ZNF236: variants seen among roughly 807,000 people sequenced by gnomAD.
The protein encoded by ZNF236 is regulated by glucose.
In ZNF236, 50 loss-of-function variants were observed where a neutral mutation model predicts 191.2. That is an observed-to-expected ratio of 0.26 (90% CI 0.21 to 0.33). The LOEUF is 0.33. Ranked by LOEUF, ZNF236 falls within the 10% of genes least tolerant of loss-of-function variation. The probability of loss-of-function intolerance (pLI) is 1.00; values close to 1 mark genes in which losing one functional copy is unlikely to be tolerated. For synonymous variants in ZNF236, 907 were observed against 928.8 expected (o/e 0.98, Z 0.43); for missense variants, 1,754 against 2,374.5 (o/e 0.74, Z 5.43).
chr18:76,837,653 G>A (rs1343797028), intron 1 of ZNF236, among the ~76,000 whole-genome samples: 1 of 151,786 alleles, frequency 6.6e-6, no homozygotes, highest in African/African-American at 2.4e-5. Context: ...TGTTGGCCAG[G>A]CTGGTCTCGA....
rs192564094 is a variant in ZNF236 at position 76,831,929 on chromosome 18, A to G, written c.55+9267A>G. 1.5e-3 allele frequency among the ~76,000 whole-genome samples: 236 copies of G among 152,280 alleles called. 2 individuals are homozygous for G. The highest frequency in any genetic ancestry group is 5.1e-3 in the African/African-American group (211 of 41,550). On this transcript the variant is annotated intron_variant, in intron 1 of 30. Transcript: ENST00000320610. Reference sequence around the variant, plus strand: ...CTGGATGAGTTTTTTATAGTCTCCTATTCACTCTTTTAAAGATACCTTCTA... The same window carrying G: ...CTGGATGAGTTTTTTATAGTCTCCTGTTCACTCTTTTAAAGATACCTTCTA...
intron 25 of ZNF236, among the ~76,000 whole-genome samples, chr18:76,932,856 G>A (rs1446924189): frequency 1.3e-5 from 2 of 152,236 alleles, no homozygotes; most frequent in Admixed American, 1.3e-4. Context: ...TCTGACCGAA[G>A]GGAGAAGTTG....
intron 14 of ZNF236, among the ~76,000 whole-genome samples, chr18:76,909,622 T>C (rs943456676): frequency 1.2e-4 from 18 of 152,194 alleles, no homozygotes; most frequent in African/African-American, 3.9e-4. Flanking sequence ...ATTAGTGACA[T>C]AGCTGGCTGC....
intron 28 of ZNF236, among the ~76,000 whole-genome samples, chr18:76,958,366 A>G (rs766296512): frequency 2.0e-4 from 30 of 152,184 alleles, no homozygotes; most frequent in Non-Finnish European, 3.8e-4. Context: ...TTTTAAAGTC[A>G]TCAGCATAGA....
intron 1 of ZNF236, among the ~76,000 whole-genome samples, chr18:76,838,327 T>A (rs1290731163): frequency 1.3e-5 from 2 of 152,204 alleles, no homozygotes; most frequent in Admixed American, 1.3e-4. Context: ...AAGTAAACAT[T>A]AGAGCTTTTT....
intron 26 of ZNF236, 114 bp downstream of exon 26, chr18:76,937,457 C>G (rs546781618): frequency 4.0e-5 from 41 of 1,020,952 alleles, no homozygotes; most frequent in Non-Finnish European, 4.9e-5. Context: ...TCCCCAAAAT[C>G]GAAGCATTTT....
At chr18:76,955,075 C>T (rs1968490364) in intron 27 of ZNF236, among the ~76,000 whole-genome samples, 1 of 151,970 alleles carries the variant, frequency 6.6e-6, no homozygotes, top group African/African-American at 2.4e-5. Flanking sequence ...TTTGTTAAGC[C>T]ATCACATAGA....
At chr18:76,877,505 A>G (rs912488009) in intron 6 of ZNF236, among the ~76,000 whole-genome samples, 17 of 152,192 alleles carry the variant, frequency 1.1e-4, no homozygotes, top group African/African-American at 4.1e-4. Flanking sequence ...TCTCAAAAAA[A>G]AAAAAGAAAA....
chr18:76,924,788 TAG>T (rs1193180924), intron 21 of ZNF236, among the ~76,000 whole-genome samples: 1 of 152,098 alleles, frequency 6.6e-6, no homozygotes, highest in Non-Finnish European at 1.5e-5. Context: ...GAAGAGAAGA[TAG>T]AGAGATGCTG....
At chr18:76,839,274 A>G (rs542486983) in intron 1 of ZNF236, among the ~76,000 whole-genome samples, 2 of 152,348 alleles carry the variant, frequency 1.3e-5, no homozygotes, top group East Asian at 3.9e-4. Flanking sequence ...TAAGTTATGC[A>G]TGTATTTAGC....
At chr18:76,887,204 T>G (rs1246301161) in intron 9 of ZNF236, 1 of 152,034 alleles carries the variant, frequency 6.6e-6, no homozygotes, top group Non-Finnish European at 1.5e-5. Context: ...GAAACCTGTC[T>G]CTACTAAAAA....
In ZNF236 at chr18:76,956,011, C is replaced by G; in HGVS notation, c.4941C>G (p.Ala1647=). The G allele has an allele frequency of 6.2e-7, 1 of 1,610,374 alleles. No homozygotes were observed. The highest frequency in any genetic ancestry group is 8.5e-7 in the Non-Finnish European group (1 of 1,179,502). The change falls in exon 28 of 31, where the codon GCC becomes GCG. Residue 1647 remains alanine (A), a synonymous_variant. Coordinates refer to ENST00000320610, the MANE Select transcript of ZNF236 (RefSeq NM_001306089.2). ...YQVAGVSGNL[A]PGNQPEKEGR... is the part of the protein sequence containing the mutation. Reference sequence around the variant, plus strand: ...TAGCTGGCGTCTCTGGGAACCTGGCCCCGGGCAACCAGCCAGAGAAGGAGG... The same window carrying G: ...TAGCTGGCGTCTCTGGGAACCTGGCGCCGGGCAACCAGCCAGAGAAGGAGG...
At chr18:76,908,955 G>A in intron 14 of ZNF236, among the ~76,000 whole-genome samples, 1 of 89,864 alleles carries the variant, frequency 1.1e-5, no homozygotes, top group Non-Finnish European at 2.2e-5. Context: ...GTGTGTGTAT[G>A]TGTGTGTCTG....
At position 76,959,671 on chromosome 18, in the gene ZNF236, G is replaced by T; in HGVS notation, c.5113-16G>T. 1 of 1,589,350 alleles carries T rather than the reference G, an allele frequency of 6.3e-7. No homozygotes were observed. ...GTTTTGATCTTGTTTCTTGGTTTCT[G>T]TGTGTTGTCTCCCAGGAGCACATGC... is the stretch of plus-strand genomic sequence containing the variant. On this transcript the variant is annotated splice_polypyrimidine_tract_variant and intron_variant, in intron 28 of 30. Transcript: ENST00000320610.
At position 76,968,379 on chromosome 18, in the gene ZNF236, T is replaced by TA. The variant is rs745402679; in HGVS notation, c.*41dup. The TA allele has an allele frequency of 2.5e-6, 4 of 1,581,666 alleles. No homozygotes were observed. The highest frequency in any genetic ancestry group is 1.4e-5 in the African/African-American group (1 of 73,072). ...ACACCTTTAAGAATGTTTCTGAAGT[T>TA]ACGTTTTGTGAAGAGCAAAGCACTT... On this transcript the variant is annotated 3_prime_UTR_variant, in exon 31 of 31. Transcript: ENST00000320610.
chr18:76,965,646 G>T (rs752649121), intron 30 of ZNF236, among the ~76,000 whole-genome samples: 27 of 152,214 alleles, frequency 1.8e-4, no homozygotes, highest in Non-Finnish European at 3.4e-4. Context: ...TATAGTGATT[G>T]TTACCTTTAT....
At chr18:76,826,799 C>CAA (rs376683576) in intron 1 of ZNF236, among the ~76,000 whole-genome samples, 111 of 98,542 alleles carry the variant, frequency 1.1e-3, no homozygotes, top group Middle Eastern at 5.7e-3. Flanking sequence ...GACTCAGTCT[C>CAA]AAAAAAAAAA....
At chr18:76,933,530 T>C (rs1466395832) in intron 25 of ZNF236, among the ~76,000 whole-genome samples, 1 of 151,670 alleles carries the variant, frequency 6.6e-6, no homozygotes, top group African/African-American at 2.4e-5. Context: ...CTCTCTCTCT[T>C]AGGCTACTTT....
At chr18:76,967,859 G>A (rs192353580) in intron 30 of ZNF236, among the ~76,000 whole-genome samples, 2 of 152,162 alleles carry the variant, frequency 1.3e-5, no homozygotes, top group African/African-American at 4.8e-5. Context: ...GAAGGAAAAA[G>A]GGGTAATTTT....
Sources: gnomAD v4.1 joint callset for allele counts (sites outside exome capture counted in the v4.1 genomes callset) on GRCh38, gnomAD v4.1.1 for gene constraint, MANE v1.5 for transcripts, NCBI Gene and HGNC (gene_info 2026-07-23, HGNC 2026-07-21) for gene names.